PDE10A: variants seen among roughly 807,000 people sequenced by gnomAD.
PDE10A encodes the protein cAMP and cAMP-inhibited cGMP 3',5'-cyclic phosphodiesterase 10A.
PDE10A carries 39 observed loss-of-function variants against 97.7 expected under a neutral mutation model. The ratio of observed to expected loss-of-function variants is 0.40; its 90% CI spans 0.31 to 0.52. The LOEUF is 0.52. Among genes scored for constraint, PDE10A ranks in the 20% least tolerant of loss-of-function variants. PDE10A has a pLI of 0.56. For missense variants in PDE10A, 731 were observed against 1,047.8 expected, an observed-to-expected ratio of 0.70 and a Z score of 4.17; for synonymous variants, 371 against 376.8, an observed-to-expected ratio of 0.98 and a Z score of 0.18.
intron 14 of PDE10A, 96 bp downstream of exon 14, chr6:165,396,221 A>ATG (rs1273366909): frequency 8.8e-7 from 1 of 1,132,666 alleles, no homozygotes; most frequent in African/African-American, 1.6e-5. Context: ...TAATATGTGT[A>ATG]TAATAATTGT....
rs1053796353 is a variant in PDE10A at position 165,351,742 on chromosome 6, T to C, written c.2784-8240A>G. On this transcript the variant is annotated intron_variant, in intron 18 of 21. Transcript: ENST00000539869. Reference sequence around the variant, plus strand: ...TTGAGAGTAAAAGCCAGCACTGCTATGAATTATTTTAGCTCAACATGTGTT... The same window carrying C: ...TTGAGAGTAAAAGCCAGCACTGCTACGAATTATTTTAGCTCAACATGTGTT... Among the ~76,000 whole-genome samples the C allele has an allele frequency of 3.3e-5, 5 of 152,362 alleles. No homozygotes were observed. In the South Asian group the frequency reaches 6.2e-4, roughly 19 times the overall value.
intron 1 of PDE10A, among the ~76,000 whole-genome samples, chr6:165,806,114 TC>T (rs1779132300): frequency 7.0e-6 from 1 of 143,182 alleles, no homozygotes; most frequent in African/African-American, 2.6e-5. Context: ...TCATCCTCTA[TC>T]TATACATTCC....
intron 1 of PDE10A, among the ~76,000 whole-genome samples, chr6:165,726,765 T>C (rs1410993972): frequency 6.6e-6 from 1 of 152,192 alleles, no homozygotes; most frequent in African/African-American, 2.4e-5. Context: ...CAGGCCATCC[T>C]CTGCGGTTCT....
At chr6:165,496,838 AACT>A in intron 2 of PDE10A, among the ~76,000 whole-genome samples, 1 of 152,354 alleles carries the variant, frequency 6.6e-6, no homozygotes, top group South Asian at 2.1e-4. Context: ...CTCTTTGTCT[AACT>A]ATTAAATACA....
intron 18 of PDE10A, among the ~76,000 whole-genome samples, chr6:165,356,796 T>TG (rs1783056100): frequency 5.3e-5 from 8 of 152,194 alleles, no homozygotes; most frequent in Admixed American, 2.6e-4. Context: ...AATTCGCTTA[T>TG]TAATTCTAGT....
intron 13 of PDE10A, among the ~76,000 whole-genome samples, chr6:165,411,292 C>G (rs987860124): frequency 3.3e-5 from 5 of 151,670 alleles, no homozygotes; most frequent in African/African-American, 1.2e-4. Context: ...AGCCTAAGCC[C>G]CAGTACCTTA....
chr6:165,433,640 T>A (rs1789761476), intron 6 of PDE10A, among the ~76,000 whole-genome samples: 1 of 152,208 alleles, frequency 6.6e-6, no homozygotes, highest in South Asian at 2.1e-4. Flanking sequence ...TTGAATCAAC[T>A]AATAATGATC....
intron 10 of PDE10A, among the ~76,000 whole-genome samples, chr6:165,423,354 T>C (rs925657494): frequency 2.0e-5 from 3 of 152,192 alleles, no homozygotes; most frequent in Non-Finnish European, 4.4e-5. Flanking sequence ...AAAATCTAAT[T>C]CATTGATTCC....
At chr6:165,867,969 T>G (rs1781104756) in intron 1 of PDE10A, among the ~76,000 whole-genome samples, 1 of 151,996 alleles carries the variant, frequency 6.6e-6, no homozygotes, top group Non-Finnish European at 1.5e-5. Flanking sequence ...AAAAATGTCC[T>G]GAAACAAATG....
intron 2 of PDE10A, among the ~76,000 whole-genome samples, chr6:165,523,255 A>G (rs1429746205): frequency 6.6e-6 from 1 of 152,168 alleles, no homozygotes; most frequent in Non-Finnish European, 1.5e-5. Context: ...TTTTCACAGA[A>G]TTAGAAAAAA....
chr6:165,683,693 G>T (rs570387976), intron 1 of PDE10A, among the ~76,000 whole-genome samples: 5 of 152,174 alleles, frequency 3.3e-5, no homozygotes, highest in Non-Finnish European at 7.3e-5. Context: ...TCTCCTGGAG[G>T]CCCCTGAGCT....
chr6:165,593,428 C>T (rs1057382944), intron 1 of PDE10A, among the ~76,000 whole-genome samples: 3 of 151,908 alleles, frequency 2.0e-5, no homozygotes, highest in African/African-American at 7.3e-5. Context: ...ACATGTATCC[C>T]AGAACTTAAA....
At chr6:165,985,795 T>G (rs775076135) in intron 1 of PDE10A, among the ~76,000 whole-genome samples, 1 of 152,120 alleles carries the variant, frequency 6.6e-6, no homozygotes, top group Non-Finnish European at 1.5e-5. Flanking sequence ...GGGAAAACAG[T>G]CAGCTGTCCC....
chr6:165,814,500 A>G (rs1316937440), intron 1 of PDE10A, among the ~76,000 whole-genome samples: 2 of 152,058 alleles, frequency 1.3e-5, no homozygotes, highest in Non-Finnish European at 2.9e-5. Context: ...ACAAGGAATC[A>G]TTTACTTTTG....
At chr6:165,723,748 C>T (rs1353500764) in intron 1 of PDE10A, among the ~76,000 whole-genome samples, 1 of 152,106 alleles carries the variant, frequency 6.6e-6, no homozygotes, top group Non-Finnish European at 1.5e-5. Context: ...GCTCTGTTTA[C>T]GACATGAATT....
intron 2 of PDE10A, among the ~76,000 whole-genome samples, chr6:165,506,765 T>C (rs1781215544): frequency 6.6e-6 from 1 of 152,162 alleles, no homozygotes; most frequent in Non-Finnish European, 1.5e-5. Context: ...CAGCTTTTTA[T>C]TTGTAGAGTA....
intron 1 of PDE10A, among the ~76,000 whole-genome samples, chr6:165,874,647 A>G (rs552696448): frequency 6.6e-6 from 1 of 152,342 alleles, no homozygotes; most frequent in South Asian, 2.1e-4. Flanking sequence ...ATGTCCTCTC[A>G]TATTATTTTG....
At chr6:165,875,746 T>TTTTTTTG (rs780504850) in intron 1 of PDE10A, among the ~76,000 whole-genome samples, 43 of 147,074 alleles carry the variant, frequency 2.9e-4, no homozygotes, top group African/African-American at 7.4e-4. Flanking sequence ...TTTTTTTTTT[T>TTTTTTTG]TGTGTGTGTG....
chr6:165,603,720 C>A (rs757524387), intron 1 of PDE10A, among the ~76,000 whole-genome samples: 1 of 152,262 alleles, frequency 6.6e-6, no homozygotes, highest in South Asian at 2.1e-4. Flanking sequence ...CACAATGACC[C>A]CTAATGGTAT....
Sources: gnomAD v4.1 joint callset for allele counts (sites outside exome capture counted in the v4.1 genomes callset) on GRCh38, gnomAD v4.1.1 for gene constraint, MANE v1.5 for transcripts, NCBI Gene and HGNC (gene_info 2026-07-23, HGNC 2026-07-21) for gene names.